Variants in SYNJ1 observed in about 807,000 individuals in gnomAD.
SYNJ1 encodes the protein synaptojanin 1.
Under a neutral mutation model 168.2 loss-of-function variants are expected in SYNJ1, and 78 were observed. The observed-to-expected ratio is 0.46, with a 90% confidence interval of 0.39 to 0.56. The LOEUF (loss-of-function observed/expected upper bound fraction) is 0.56, where lower values mean the gene tolerates loss of function less well. SYNJ1 is among the 20% of genes least tolerant of loss of function. SYNJ1 has a pLI of 0.00. For missense variants in SYNJ1, 1,303 were observed against 1,597.6 expected, an observed-to-expected ratio of 0.82 and a Z score of 3.14; for synonymous variants, 539 against 548.6, an observed-to-expected ratio of 0.98 and a Z score of 0.24.
chr21:32,714,271 C>T (rs2146327024), intron 2 of SYNJ1, among the ~76,000 whole-genome samples: 1 of 152,172 alleles, frequency 6.6e-6, no homozygotes, highest in African/African-American at 2.4e-5. Context: ...AGCAGAAACT[C>T]GATTTTATTG....
Position 32,631,770 on chromosome 21 carries a change from C to G in SYNJ1, c.*35G>C. 2 of 1,612,588 alleles carry G rather than the reference C, an allele frequency of 1.2e-6. No individual in the cohort carries two copies. The highest frequency in any genetic ancestry group is 2.2e-5 in the South Asian group (2 of 90,914). ...TGGGTCAATCTTTAATGGTGATTCT[C>G]TTTTGCCATCAGAGATTCCATTTGT... On this transcript the variant is annotated 3_prime_UTR_variant, in exon 33 of 33. Coordinates refer to ENST00000674351, the MANE Select transcript of SYNJ1 (RefSeq NM_203446.3).
In SYNJ1 at chr21:32,665,059, A is replaced by C; in HGVS notation, c.2158T>G (p.Phe720Val). The change falls in exon 18 of 33, where the codon TTT becomes GTT. Residue 720 changes from phenylalanine to valine, a missense_variant. Physicochemically the swap from Phe to Val is conservative, Grantham distance 50. Around this residue, in one of 2 missense-constraint regions of SYNJ1, gnomAD observed 920 missense variants for 1,208.8 expected, o/e 0.76. Coordinates refer to ENST00000674351, the MANE Select transcript of SYNJ1 (RefSeq NM_203446.3). ...KLSFPMGRML[F>V]SHDYVFWCGD... ...CACCAAAATACATAGTCATGGGAAA[A>C]TAGCATCCTTCCCTGAAAGCAATGA... is the stretch of plus-strand genomic sequence containing the variant. The C allele has an allele frequency of 6.3e-7, 1 of 1,594,612 alleles. No homozygotes were observed. Among genetic ancestry groups the C allele is most frequent in the Non-Finnish European group, 8.5e-7 (1 of 1,170,100 alleles).
intron 24 of SYNJ1, chr21:32,646,046 A>C: frequency 1.3e-6 from 1 of 742,220 alleles, no homozygotes; most frequent in Non-Finnish European, 2.4e-6. Flanking sequence ...AAGTGGCCCT[A>C]TTGATATGCA....
At chr21:32,708,318 T>A (rs555999631) in intron 2 of SYNJ1, among the ~76,000 whole-genome samples, 1 of 152,346 alleles carries the variant, frequency 6.6e-6, no homozygotes, top group South Asian at 2.1e-4. Context: ...TCAGGTCACT[T>A]TCCTGCTAGT....
chr21:32,634,607 T>G lies in SYNJ1; in HGVS notation c.*3+254A>C, dbSNP rs844985. 0.083 allele frequency among the ~76,000 whole-genome samples: 12,626 copies of G among 152,228 alleles called. 694 individuals carry two copies. The highest frequency in any genetic ancestry group is 0.17 in the South Asian group (800 of 4,818). Reference sequence around the variant, plus strand: ...AAATCTTACTTTCTTGAAGTTACACTTTTTAGTTTTGTTAATTTTCATAAA... The same window carrying G: ...AAATCTTACTTTCTTGAAGTTACACGTTTTAGTTTTGTTAATTTTCATAAA... On this transcript the variant is annotated intron_variant, in intron 32 of 32. Coordinates refer to ENST00000674351, the MANE Select transcript of SYNJ1 (RefSeq NM_203446.3).
At chr21:32,661,189 CAA>C (rs1316194244) in intron 18 of SYNJ1, among the ~76,000 whole-genome samples, 1 of 152,206 alleles carries the variant, frequency 6.6e-6, no homozygotes, top group African/African-American at 2.4e-5. Context: ...TCTTCTAGGT[CAA>C]GAGTCACTTG....
Position 32,699,997 on chromosome 21 carries a change from C to T in SYNJ1, c.320G>A (p.Arg107Gln), listed in dbSNP as rs757734263. ...RVTSTEFISL[R>Q]IDSSDEDRIS... ...GCGATCCTCATCTGAAGAATCGATT[C>T]GCAGTGATATAAACTCAGTGGAAGT... is the stretch of plus-strand genomic sequence containing the variant. The change falls in exon 4 of 33, where the codon CGA (arginine) becomes CAA (glutamine). Residue 107 changes from arginine (R) to glutamine (Q), a missense_variant. Arg to Gln is a conservative substitution (Grantham distance 43). Around this residue, in one of 2 missense-constraint regions of SYNJ1, gnomAD observed 920 missense variants for 1,208.8 expected, o/e 0.76. Transcript: ENST00000674351. 2.5e-5 allele frequency: 41 copies of T among 1,614,012 alleles called. No individual in the cohort carries two copies. The highest frequency in any genetic ancestry group is 4.0e-5 in the African/African-American group (3 of 74,900).
chr21:32,665,120 A>G, intron 17 of SYNJ1, 49 bp from the exon 18 acceptor site: 1 of 1,536,814 alleles, frequency 6.5e-7, no homozygotes, highest in South Asian at 1.2e-5. Flanking sequence ...CAATGTTCAA[A>G]AATGTTTTAC....
intron 3 of SYNJ1, among the ~76,000 whole-genome samples, chr21:32,701,560 G>C (rs1174634699): frequency 6.8e-6 from 1 of 147,172 alleles, no homozygotes; most frequent in African/African-American, 2.5e-5. Context: ...AAAAAAAAAG[G>C]CTCAAGCAGA....
rs2040940715 is a variant in SYNJ1, at chr21:32,666,540, A to T, written c.1845T>A (p.Leu615=). ...TGTTGTCTCTGGAGATTGTCTTCTG[A>T]AGTTCTACAGCCCAGAGCTTCTGAT... is the stretch of plus-strand genomic sequence containing the variant. The part of the protein sequence containing the change: ...TTNQKLWAVE[L]QKTISRDNKY... The change falls in exon 16 of 33, where the codon CTT becomes CTA. Residue 615 remains leucine (L), a synonymous_variant. Transcript: ENST00000674351. 13 of 1,613,922 alleles carry T rather than the reference A, an allele frequency of 8.1e-6. 1 individual carries two copies. The highest frequency in any genetic ancestry group is 3.3e-4 in the Middle Eastern group (2 of 6,084).
intron 6 of SYNJ1, among the ~76,000 whole-genome samples, chr21:32,693,175 G>C (rs1015620646): frequency 6.6e-6 from 1 of 152,028 alleles, no homozygotes; most frequent in Non-Finnish European, 1.5e-5. Context: ...CATTCACCTC[G>C]CATCACATCA....
chr21:32,706,714 C>T (rs149244553), intron 2 of SYNJ1, among the ~76,000 whole-genome samples: 226 of 152,132 alleles, frequency 1.5e-3, no homozygotes, highest in African/African-American at 4.8e-3. Context: ...CCTCCCTGTA[C>T]ATTTTTTTAA....
At chr21:32,647,074 G>A (rs1015295985) in intron 23 of SYNJ1, among the ~76,000 whole-genome samples, 2 of 152,124 alleles carry the variant, frequency 1.3e-5, no homozygotes, top group African/African-American at 4.8e-5. Flanking sequence ...GACCCGCTTT[G>A]CTTTAATTAA....
chr21:32,702,157 A>G (rs1321928009), intron 2 of SYNJ1, 110 bp from the exon 3 acceptor site: 1 of 691,936 alleles, frequency 1.4e-6, no homozygotes, highest in Non-Finnish European at 2.4e-6. Context: ...GATATTCTTA[A>G]AATAAATGTA....
At chr21:32,723,944 GGAA>G (rs2043346922) in intron 2 of SYNJ1, among the ~76,000 whole-genome samples, 2 of 152,210 alleles carry the variant, frequency 1.3e-5, no homozygotes, top group South Asian at 2.1e-4. Flanking sequence ...GTCTTATGAA[GGAA>G]GAAGACCTGA....
At chr21:32,661,971 G>A (rs1011676733) in intron 18 of SYNJ1, among the ~76,000 whole-genome samples, 5 of 152,120 alleles carry the variant, frequency 3.3e-5, no homozygotes, top group South Asian at 4.1e-4. Context: ...CCAAGTGATC[G>A]CATGTGGATC....
intron 27 of SYNJ1, among the ~76,000 whole-genome samples, chr21:32,642,983 GA>G: frequency 6.6e-6 from 1 of 152,238 alleles, no homozygotes; most frequent in East Asian, 1.9e-4. Flanking sequence ...TATGTTATCT[GA>G]AATCAACTAC....
rs1569113867 is a variant in SYNJ1 at position 32,702,033 on chromosome 21, CT to C, written c.138del (p.Glu47ArgfsTer17). 6.4e-7 allele frequency: 1 copy of C among 1,552,894 alleles called. No individual in the cohort carries two copies. Among genetic ancestry groups the C allele is most frequent in the Non-Finnish European group, 8.8e-7 (1 of 1,140,904 alleles). On this transcript the variant is annotated frameshift_variant, in exon 3 of 33. Coordinates refer to ENST00000674351, the MANE Select transcript of SYNJ1 (RefSeq NM_203446.3). LOFTEE classifies it high-confidence loss of function. ...GAVAVLSSAEKEAIKGTYSKV... is the reference protein window; with the variant it reads ...GAVAVLSSAEXEAIKGTYSKV... The stretch of plus-strand genomic sequence containing the variant: ...TTGGAGTATGTACCCTTGATTGCCT[CT>C]TTTTCTGCAGATGCTACAAAAAAAA...
At chr21:32,679,648 A>G (rs1213231659) in intron 11 of SYNJ1, among the ~76,000 whole-genome samples, 1 of 152,158 alleles carries the variant, frequency 6.6e-6, no homozygotes, top group Non-Finnish European at 1.5e-5. Flanking sequence ...GCTTCTTTTT[A>G]GAATAAAGAG....
Sources: allele counts gnomAD v4.1 joint callset (sites outside exome capture counted in the v4.1 genomes callset), GRCh38; gene constraint gnomAD v4.1.1; regional missense constraint gnomAD v4.1.1; transcripts MANE v1.5; gene names NCBI Gene and HGNC (gene_info 2026-07-23, HGNC 2026-07-21).